Variants in DNAH14 observed in about 807,000 individuals in gnomAD.
DNAH14 encodes the protein axonemal beta dynein heavy chain 14.
A neutral mutation model predicts 520.9 loss-of-function variants in DNAH14; 478 were observed. The observed-to-expected ratio is 0.92, with a 90% CI of 0.85 to 0.99. The LOEUF (loss-of-function observed/expected upper bound fraction) is 0.99, where lower values mean the gene tolerates loss of function less well. DNAH14 is among the 50% of genes least tolerant of loss of function. The probability of loss-of-function intolerance (pLI) is 0.00; values close to 1 mark genes in which losing one functional copy is unlikely to be tolerated. For synonymous variants in DNAH14, 1,581 were observed against 1,757.2 expected (o/e 0.90, Z 2.51); for missense variants, 4,831 against 5,234.5 (o/e 0.92, Z 2.38).
chr1:225,013,745 T>C (rs1435672905), intron 10 of DNAH14, among the ~76,000 whole-genome samples: 2 of 152,082 alleles, frequency 1.3e-5, no homozygotes, highest in East Asian at 3.9e-4. Context: ...AGGGGCTTTG[T>C]TTACACTGTG....
Position 225,207,140 on chromosome 1 carries a change from A to G in DNAH14, c.6359A>G (p.Asp2120Gly). The G allele has an allele frequency of 6.4e-7, 1 of 1,550,958 alleles. No homozygotes were observed. The highest frequency in any genetic ancestry group is 8.7e-7 in the Non-Finnish European group (1 of 1,146,540). The change falls in exon 41 of 86, where the codon GAC (aspartate) becomes GGC (glycine). Residue 2120 changes from aspartate to glycine, a missense_variant. Physicochemically the swap from Asp to Gly is moderately conservative, Grantham distance 94. Transcript: ENST00000682510. ...RQKFQPYPME[D>G]ITVVITLCRI... ...AAATTTCAGCCATATCCTATGGAGG[A>G]CATAACAGTCGTCATAACCCTCTGC...
chr1:224,975,027 T>C (rs2061724237), intron 8 of DNAH14, among the ~76,000 whole-genome samples: 1 of 152,084 alleles, frequency 6.6e-6, no homozygotes, highest in Admixed American at 6.6e-5. Context: ...CTGGATTACA[T>C]TTATTGATTT....
At chr1:225,082,950 G>C (rs1368230319) in intron 20 of DNAH14, among the ~76,000 whole-genome samples, 2 of 151,996 alleles carry the variant, frequency 1.3e-5, no homozygotes, top group Admixed American at 1.3e-4. Flanking sequence ...TTATTATTTA[G>C]GTGATTAAAC....
chr1:225,100,669 G>A lies in DNAH14; in HGVS notation c.3696-44G>A, dbSNP rs779884373. ...CATTACATTATAGATTTTAATCATA[G>A]TGCCTTAAAAAAAATAAAATGACAT... On this transcript the variant is annotated intron_variant, in intron 22 of 85. Transcript: ENST00000682510. 6.8e-5 allele frequency: 94 copies of A among 1,392,240 alleles called. 1 individual carries two copies. The African/African-American group carries it at 1.2e-3, about 18-fold the overall frequency. 86.2% of individuals were successfully genotyped at this position (1,392,240 alleles called of 1,614,324 possible). A position where few individuals can be genotyped will look rare whatever the true frequency, so the allele number is the denominator to read the frequency against.
At chr1:225,370,653 T>A (rs1334236094) in intron 77 of DNAH14, among the ~76,000 whole-genome samples, 2 of 152,010 alleles carry the variant, frequency 1.3e-5, no homozygotes, top group Admixed American at 1.3e-4. Flanking sequence ...TCTCCAGTAT[T>A]AAAGAAAACA....
rs1452893556 is a variant in DNAH14 at position 224,987,903 on chromosome 1, G to A, written c.830+13750G>A. On this transcript the variant is annotated intron_variant, in intron 8 of 85. Coordinates refer to ENST00000682510, the MANE Select transcript of DNAH14 (RefSeq NM_001367479.1). ...GGCTTCCCAAAGTGCTAGGATTACA[G>A]GTGTGAGCTAAGTTCTGGGGTACAT... is the stretch of plus-strand genomic sequence containing the variant. Among the ~76,000 whole-genome samples the A allele has an allele frequency of 2.0e-5, 3 of 152,192 alleles. No homozygotes were observed. In the East Asian group the frequency reaches 5.8e-4, roughly 29 times the overall value.
intron 9 of DNAH14, among the ~76,000 whole-genome samples, chr1:225,005,705 G>T (rs2064116441): frequency 6.6e-6 from 1 of 151,952 alleles, no homozygotes. Flanking sequence ...ATAACTATAT[G>T]ATAAAAGATA....
At chr1:225,049,045 C>CTTTTTT (rs1196968494) in intron 15 of DNAH14, among the ~76,000 whole-genome samples, 1 of 87,118 alleles carries the variant, frequency 1.1e-5, no homozygotes. Flanking sequence ...GATCTCTTGC[C>CTTTTTT]TATTTTTTTT....
intron 55 of DNAH14, among the ~76,000 whole-genome samples, chr1:225,297,648 CA>C (rs1294569760): frequency 6.6e-6 from 1 of 152,136 alleles, no homozygotes; most frequent in African/African-American, 2.4e-5. Context: ...GTGACATTTG[CA>C]AATGTCTCAG....
chr1:225,161,718 A>G (rs2081536478), intron 35 of DNAH14, among the ~76,000 whole-genome samples: 1 of 152,110 alleles, frequency 6.6e-6, no homozygotes, highest in South Asian at 2.1e-4. Flanking sequence ...GGGTGAGATG[A>G]TATCTCATTG....
At position 225,119,631 on chromosome 1, in the gene DNAH14, C is replaced by A. The variant is rs139955027; in HGVS notation, c.4166+337C>A. Among the ~76,000 whole-genome samples the A allele has an allele frequency of 1.1e-4, 16 of 152,292 alleles. No individual in the cohort carries two copies. The East Asian group carries it at 3.1e-3, about 29-fold the overall frequency. On this transcript the variant is annotated intron_variant, in intron 26 of 85. Transcript: ENST00000682510. ...GCTCAGTAGGGCTCCCGTTTGAGCA[C>A]ACCTCACTACTTTGCATTTTGGTTC...
intron 81 of DNAH14, among the ~76,000 whole-genome samples, 179 bp downstream of exon 81, chr1:225,381,758 G>C (rs2095786509): frequency 6.6e-6 from 1 of 152,216 alleles, no homozygotes; most frequent in Non-Finnish European, 1.5e-5. Context: ...AACAGTCACT[G>C]TTAGCCAGGC....
rs560233312 is a variant in DNAH14, at chr1:225,148,396, C to CTTTTTTTTTTT, written c.4940+1160_4940+1170dup. ...TTCTCTAATGATCAGTAATGTTGAGCTTTTTTTTTTTTTTTTTTTTTTTGA... is the reference window on the plus strand; with the variant it reads ...TTCTCTAATGATCAGTAATGTTGAGCTTTTTTTTTTTTTTTTTTTTTTTTTTTTTTTTTTGA... On this transcript the variant is annotated intron_variant, in intron 31 of 85. Transcript: ENST00000682510. Among the ~76,000 whole-genome samples, 43 of 96,622 alleles carry CTTTTTTTTTTT rather than the reference C, an allele frequency of 4.5e-4. 2 individuals are homozygous for CTTTTTTTTTTT. The highest frequency in any genetic ancestry group is 1.9e-3 in the African/African-American group (38 of 20,336). 63.4% of individuals were successfully genotyped at this position (96,622 alleles called of 152,430 possible).
At chr1:225,113,349 G>T (rs1457915541) in intron 23 of DNAH14, among the ~76,000 whole-genome samples, 1 of 152,160 alleles carries the variant, frequency 6.6e-6, no homozygotes, top group Non-Finnish European at 1.5e-5. Context: ...CATTCTCTGT[G>T]TGCTGAGCTG....
At chr1:225,386,430 A>G (rs1321365296) in intron 81 of DNAH14, among the ~76,000 whole-genome samples, 4 of 152,268 alleles carry the variant, frequency 2.6e-5, no homozygotes, top group Non-Finnish European at 4.4e-5. Flanking sequence ...AACTACCATC[A>G]GATTGAACAG....
intron 38 of DNAH14, among the ~76,000 whole-genome samples, chr1:225,196,563 T>G (rs979816157): frequency 6.6e-6 from 1 of 152,170 alleles, no homozygotes; most frequent in African/African-American, 2.4e-5. Context: ...AAATGGTAGC[T>G]CTACTTTAGT....
At chr1:224,997,268 C>G (rs937477651) in intron 8 of DNAH14, among the ~76,000 whole-genome samples, 3 of 152,088 alleles carry the variant, frequency 2.0e-5, no homozygotes, top group African/African-American at 7.2e-5. Context: ...GGAAGCATAT[C>G]AGAATGCCAG....
At chr1:225,020,339 A>G (rs767756029) in intron 10 of DNAH14, among the ~76,000 whole-genome samples, 3 of 151,978 alleles carry the variant, frequency 2.0e-5, no homozygotes, top group Non-Finnish European at 2.9e-5. Flanking sequence ...TCTATTAGAA[A>G]TACAAAAATT....
intron 85 of DNAH14, 135 bp from the exon 86 acceptor site, chr1:225,398,919 G>C: frequency 2.4e-6 from 2 of 838,208 alleles, no homozygotes; most frequent in Non-Finnish European, 3.6e-6. Flanking sequence ...ATTTCCACAT[G>C]CTGTTACATT....
Sources: allele counts gnomAD v4.1 joint callset (sites outside exome capture counted in the v4.1 genomes callset), GRCh38; gene constraint gnomAD v4.1.1; transcripts MANE v1.5; gene names NCBI Gene and HGNC (gene_info 2026-07-23, HGNC 2026-07-21).